MKI67: variants seen among roughly 807,000 people sequenced by gnomAD.
MKI67 encodes marker of proliferation Ki-67, also known as proliferation marker protein Ki-67.
Under a neutral mutation model 233.5 loss-of-function variants are expected in MKI67, and 152 were observed. The ratio of observed to expected loss-of-function variants is 0.65; its 90% CI spans 0.57 to 0.74. The LOEUF is 0.74. MKI67 is among the 30% of genes least tolerant of loss of function. MKI67 has a pLI of 0.00. For synonymous variants in MKI67, 1,465 were observed against 1,418.5 expected (o/e 1.03, Z -0.74); for missense variants, 3,940 against 3,885.2 (o/e 1.01, Z -0.37).
Position 128,106,600 on chromosome 10 carries a change from G to A in MKI67, c.5240C>T (p.Thr1747Ile), listed in dbSNP as rs748025616. 9 of 1,613,980 alleles carry A rather than the reference G, an allele frequency of 5.6e-6. No homozygotes were observed. The highest frequency in any genetic ancestry group is 1.7e-5 in the Admixed American group (1 of 59,986). Residue 1747 changes from threonine (T) to isoleucine (I), a missense_variant, in exon 13 of 15, where the codon ACC (threonine) becomes ATC (isoleucine). Transcript: ENST00000368654. Reference sequence around the variant, plus strand: ...GGGCTGTGGCTTGGAGCTTGTTGGGGTGTCCACTAGGTCTGGCTGTGAAGC... The same window carrying A: ...GGGCTGTGGCTTGGAGCTTGTTGGGATGTCCACTAGGTCTGGCTGTGAAGC... Reference protein sequence around the residue: ...YRASQPDLVDTPTSSKPQPKR... With the variant: ...YRASQPDLVDIPTSSKPQPKR...
At position 128,102,993 on chromosome 10, in the gene MKI67, T is replaced by G. The variant is rs138943583; in HGVS notation, c.8847A>C (p.Thr2949=). Residue 2949 remains threonine (T), a synonymous_variant, in exon 13 of 15, where the codon ACA becomes ACC. Coordinates refer to ENST00000368654, the MANE Select transcript of MKI67 (RefSeq NM_002417.5). ...TTTTTAGAGGTTTTCCACTGTCAGG[T>G]GTTTGCTTTGGAGCGCTTGTAAAGC... The part of the protein sequence containing the change: ...ADSFTSAPKQ[T]PDSGKPLKIS... 2.4e-4 allele frequency: 390 copies of G among 1,614,216 alleles called. No individual in the cohort carries two copies. In the African/African-American group the frequency reaches 4.0e-3, roughly 17 times the overall value.
At chr10:128,116,921 A>AAAATAT (rs1439012479) in intron 5 of MKI67, among the ~76,000 whole-genome samples, 2 of 152,218 alleles carry the variant, frequency 1.3e-5, no homozygotes, top group East Asian at 3.9e-4. Context: ...AATAAAAATA[A>AAAATAT]AAACAATAAA....
chr10:128,107,450 G>A lies in MKI67; in HGVS notation c.4390C>T (p.Leu1464=). ...HPKTKEKAQP[L]EDLAGLKELF... The stretch of plus-strand genomic sequence containing the variant: ...TCTTTCAAGCCAGCCAGGTCTTCTA[G>A]GGGTTGGGCCTTTTCCTTAGTTTTT... Residue 1464 remains leucine, a synonymous_variant, in exon 13 of 15, where the codon CTA becomes TTA. Coordinates refer to ENST00000368654, the MANE Select transcript of MKI67 (RefSeq NM_002417.5). 1 of 1,614,172 alleles carries A rather than the reference G, an allele frequency of 6.2e-7. No individual in the cohort carries two copies.
Position 128,109,527 on chromosome 10 carries a change from T to A in MKI67, c.2417-104A>T, listed in dbSNP as rs190379697. The A allele has an allele frequency of 6.6e-4, 852 of 1,281,296 alleles. 8 individuals are homozygous for A. The highest frequency in any genetic ancestry group is 6.3e-3 in the Admixed American group (251 of 39,938). The allele number at this position is 1,281,296 out of a possible 1,614,324, so 79.4% of individuals were successfully genotyped here. On this transcript the variant is annotated intron_variant, in intron 12 of 14. Coordinates refer to ENST00000368654, the MANE Select transcript of MKI67 (RefSeq NM_002417.5). ...GTAAAAAACTAAATATTTAGCTTCG[T>A]ATTCACTGAACGACATGAGGCTACT...
chr10:128,108,922 G>T lies in MKI67; in HGVS notation c.2918C>A (p.Thr973Lys). 1 of 1,614,226 alleles carries T rather than the reference G, an allele frequency of 6.2e-7. No homozygotes were observed. Residue 973 changes from threonine to lysine, a missense_variant, in exon 13 of 15, where the codon ACA becomes AAA. Physicochemically the swap from Thr to Lys is moderately conservative, Grantham distance 78. Transcript: ENST00000368654. ...DLTDLKSLPD[T>K]ELMKDTARGQ... ...ACGTGCCGTGTCTTTCATGAGTTCT[G>T]TATCAGGCAAGCTCTTGAGGTCTGT...
chr10:128,105,053 C>T lies in MKI67; in HGVS notation c.6787G>A (p.Gly2263Arg). ...GGTTTGGGTGTGTCCATAGCTTTCC[C>T]TACTGATGGTGTTCGTTTCCTGAGT... ...LALRKRTPSV[G>R]KAMDTPKPAG... The change falls in exon 13 of 15, where the codon GGG becomes AGG. Residue 2263 changes from glycine to arginine, a missense_variant. By Grantham distance (125) the Gly-to-Arg change is moderately radical. Transcript: ENST00000368654. 1.2e-6 allele frequency: 2 copies of T among 1,613,876 alleles called. No homozygotes were observed. The highest frequency in any genetic ancestry group is 1.7e-6 in the Non-Finnish European group (2 of 1,179,986).
Position 128,103,819 on chromosome 10 carries a change from T to C in MKI67, c.8021A>G (p.Gln2674Arg), listed in dbSNP as rs771374389. Residue 2674 changes from glutamine to arginine, a missense_variant, in exon 13 of 15, where the codon CAA (glutamine) becomes CGA (arginine). Coordinates refer to ENST00000368654, the MANE Select transcript of MKI67 (RefSeq NM_002417.5). ...RRPRAPKEKA[Q>R]PLEDLAGFTE... ...GAAGCCGGCCAGGTCTTCCAGGGGTTGGGCCTTTTCCTTAGGTGCTCTTGG... is the reference window on the plus strand; with the variant it reads ...GAAGCCGGCCAGGTCTTCCAGGGGTCGGGCCTTTTCCTTAGGTGCTCTTGG... 6.2e-7 allele frequency: 1 copy of C among 1,614,120 alleles called. No homozygotes were observed. The highest frequency in any genetic ancestry group is 2.2e-5 in the East Asian group (1 of 44,862).
chr10:128,119,984 G>C (rs965786731), intron 4 of MKI67, among the ~76,000 whole-genome samples: 2 of 152,164 alleles, frequency 1.3e-5, no homozygotes, highest in Non-Finnish European at 2.9e-5. Context: ...TCAGTGAAAT[G>C]ACCTGATTTG....
intron 8 of MKI67, among the ~76,000 whole-genome samples, chr10:128,112,801 T>C (rs562134553): frequency 2.4e-4 from 37 of 152,034 alleles, no homozygotes; most frequent in Middle Eastern, 3.4e-3. Flanking sequence ...TGGGAGCCAG[T>C]GTAAAATGGA....
At chr10:128,123,892 T>C (rs2136152819) in intron 2 of MKI67, among the ~76,000 whole-genome samples, 1 of 152,344 alleles carries the variant, frequency 6.6e-6, no homozygotes, top group East Asian at 1.9e-4. Flanking sequence ...CCTAAACCTA[T>C]ACAAACTAAT....
Position 128,107,290 on chromosome 10 carries a change from T to A in MKI67, c.4550A>T (p.Lys1517Ile). The stretch of plus-strand genomic sequence containing the variant: ...GAAGAATTCTTCTTCTACGTCCACT[T>A]TCCTGAGACTTCTCTTGGACTGTGG... ...SKPQSKRSLRKVDVEEEFFAL... is the reference protein window; with the variant it reads ...SKPQSKRSLRIVDVEEEFFAL... The change falls in exon 13 of 15, where the codon AAA becomes ATA. Residue 1517 changes from lysine (K) to isoleucine (I), a missense_variant. Physicochemically the swap from Lys to Ile is moderately radical, Grantham distance 102. Coordinates refer to ENST00000368654, the MANE Select transcript of MKI67 (RefSeq NM_002417.5). The A allele has an allele frequency of 6.2e-7, 1 of 1,614,166 alleles. No individual in the cohort carries two copies. The highest frequency in any genetic ancestry group is 8.5e-7 in the Non-Finnish European group (1 of 1,180,022).
chr10:128,115,453 TC>T lies in MKI67; in HGVS notation c.954del (p.Lys319ArgfsTer27). 6.2e-7 allele frequency: 1 copy of T among 1,613,476 alleles called. No individual in the cohort carries two copies. The highest frequency in any genetic ancestry group is 8.5e-7 in the Non-Finnish European group (1 of 1,179,826). On this transcript the variant is annotated frameshift_variant, in exon 7 of 15. Transcript: ENST00000368654. LOFTEE classifies it high-confidence loss of function. Reference sequence around the variant, plus strand: ...TGAACAGACTCCACGTCTCTTCCCTTCCCCTTGTTCTGGTCAAGCTCTTGTT... The same window carrying T: ...TGAACAGACTCCACGTCTCTTCCCTTCCCTTGTTCTGGTCAAGCTCTTGTT... ...SPEQELDQNK[G>X]KGRDVESVQT...
chr10:128,119,989 G>C (rs1852897553), intron 4 of MKI67, among the ~76,000 whole-genome samples: 1 of 152,110 alleles, frequency 6.6e-6, no homozygotes, highest in Non-Finnish European at 1.5e-5. Flanking sequence ...GAAATGACCT[G>C]ATTTGAATTT....
At chr10:128,116,763 T>C (rs1179214317) in intron 5 of MKI67, among the ~76,000 whole-genome samples, 2 of 152,054 alleles carry the variant, frequency 1.3e-5, no homozygotes, top group Non-Finnish European at 2.9e-5. Context: ...AAACATTAGC[T>C]GGATGTGGTG....
In MKI67 at chr10:128,101,680, G is replaced by C; in HGVS notation, c.9283C>G (p.Arg3095Gly). 1 of 1,602,434 alleles carries C rather than the reference G, an allele frequency of 6.2e-7. No individual in the cohort carries two copies. The highest frequency in any genetic ancestry group is 8.5e-7 in the Non-Finnish European group (1 of 1,175,720). The change falls in exon 14 of 15, where the codon CGC becomes GGC. Residue 3095 changes from arginine (R) to glycine (G), a missense_variant. By Grantham distance (125) the Arg-to-Gly change is moderately radical (BLOSUM62 -2). Transcript: ENST00000368654. The stretch of plus-strand genomic sequence containing the variant: ...TGTTCTGCCTCAGTCTTATTTTGGC[G>C]TCTGGAGCGCAGGGATATTCCCTAA... ...ENKGISLRSRRQNKTEAEQQI... is the reference protein window; with the variant it reads ...ENKGISLRSRGQNKTEAEQQI...
rs772035152 is a variant in MKI67, at chr10:128,115,839, C to A, written c.569G>T (p.Arg190Leu). The stretch of plus-strand genomic sequence containing the variant: ...GGGATCAGCTGCATTTCTGCCATTA[C>A]GTCCAGCATGTTCTGAGGAATGAAC... ...TNVHSSEHAG[R>L]NGRNAADPIS... Residue 190 changes from arginine (R) to leucine (L), a missense_variant, in exon 7 of 15, where the codon CGT becomes CTT. Physicochemically the swap from Arg to Leu is moderately radical, Grantham distance 102 (BLOSUM62 -2). Transcript: ENST00000368654. 2 of 1,609,030 alleles carry A rather than the reference C, an allele frequency of 1.2e-6. No individual in the cohort carries two copies. Among genetic ancestry groups the A allele is most frequent in the Non-Finnish European group, 1.7e-6 (2 of 1,179,988 alleles).
At chr10:128,112,770 G>A (rs973768284) in intron 8 of MKI67, among the ~76,000 whole-genome samples, 1 of 152,160 alleles carries the variant, frequency 6.6e-6, no homozygotes, top group Non-Finnish European at 1.5e-5. Context: ...CAGTCCACAT[G>A]GAGGGAGGAC....
chr10:128,113,723 G>A (rs761656071), intron 7 of MKI67, 121 bp from the exon 8 acceptor site: 73 of 825,542 alleles, frequency 8.8e-5, no homozygotes, highest in Non-Finnish European at 1.4e-4. Flanking sequence ...AGTACCTACA[G>A]CACGCCTCTA....
Position 128,104,261 on chromosome 10 carries a change from C to T in MKI67, c.7579G>A (p.Glu2527Lys), listed in dbSNP as rs1852418374. 1 of 1,614,072 alleles carries T rather than the reference C, an allele frequency of 6.2e-7. No homozygotes were observed. Among genetic ancestry groups the T allele is most frequent in the African/African-American group, 1.3e-5 (1 of 74,976 alleles). The change falls in exon 13 of 15, where the codon GAG becomes AAG. Residue 2527 changes from glutamate (E) to lysine (K), a missense_variant. Glu to Lys is a moderately conservative substitution (Grantham distance 56). Coordinates refer to ENST00000368654, the MANE Select transcript of MKI67 (RefSeq NM_002417.5). ...GDSKSIKAFKESPKQILDPAA... is the reference protein window; with the variant it reads ...GDSKSIKAFKKSPKQILDPAA... The stretch of plus-strand genomic sequence containing the variant: ...GGGTCCAGGATCTGCTTTGGAGACT[C>T]CTTAAACGCTTTGATGCTCTTACTA...
Sources: gnomAD v4.1 joint callset for allele counts (sites outside exome capture counted in the v4.1 genomes callset) on GRCh38, gnomAD v4.1.1 for gene constraint, MANE v1.5 for transcripts, NCBI Gene and HGNC (gene_info 2026-07-23, HGNC 2026-07-21) for gene names.